PPARG: variants seen among roughly 807,000 people sequenced by gnomAD.
PPARG encodes the protein peroxisome proliferator-activated receptor gamma.
Under a neutral mutation model 39.2 loss-of-function variants are expected in PPARG, and 17 were observed. That is an observed-to-expected ratio of 0.43 (90% CI 0.30 to 0.65). The LOEUF (loss-of-function observed/expected upper bound fraction) is 0.65, where lower values mean the gene tolerates loss of function less well. Ranked by LOEUF, PPARG falls within the 30% of genes least tolerant of loss-of-function variation. The pLI, the probability that PPARG is intolerant of heterozygous loss-of-function variation, is 0.13. For synonymous variants in PPARG, 223 were observed against 215.7 expected, an observed-to-expected ratio of 1.03 and a Z score of -0.30; for missense variants, 406 against 585.9, an observed-to-expected ratio of 0.69 and a Z score of 3.17.
intron 2 of PPARG, among the ~76,000 whole-genome samples, chr3:12,317,620 T>C (rs2047424408): frequency 2.6e-5 from 4 of 152,184 alleles, no homozygotes; most frequent in Admixed American, 2.0e-4. Context: ...TTTATTCTTA[T>C]ACCATTACAT....
chr3:12,320,885 A>C (rs2125019703), intron 2 of PPARG, among the ~76,000 whole-genome samples: 1 of 152,330 alleles, frequency 6.6e-6, no homozygotes, highest in Admixed American at 6.5e-5. Context: ...TCAAAGAAAA[A>C]GAAAAGAGAA....
intron 1 of PPARG, among the ~76,000 whole-genome samples, chr3:12,308,480 T>G (rs1018551731): frequency 6.6e-6 from 1 of 152,094 alleles, no homozygotes; most frequent in Non-Finnish European, 1.5e-5. Flanking sequence ...GGAGCCACAT[T>G]GTTAAATTTT....
intron 6 of PPARG, among the ~76,000 whole-genome samples, chr3:12,408,457 A>G (rs1403510460): frequency 6.6e-6 from 1 of 152,262 alleles, no homozygotes; most frequent in Non-Finnish European, 1.5e-5. Flanking sequence ...TGGACTACAG[A>G]AAATAAGCCA....
intron 2 of PPARG, among the ~76,000 whole-genome samples, chr3:12,350,310 T>G (rs7614873): frequency 0.037 from 5,608 of 152,244 alleles, 330 homozygotes; most frequent in African/African-American, 0.13. Context: ...CCCCACTTTA[T>G]TCCGTGATGT....
intron 1 of PPARG, among the ~76,000 whole-genome samples, chr3:12,306,380 C>T (rs995211164): frequency 3.9e-5 from 6 of 152,206 alleles, no homozygotes; most frequent in African/African-American, 1.2e-4. Flanking sequence ...TACTGCTTCA[C>T]GGCCTTGGGG....
At chr3:12,407,860 A>G (rs1200599451) in intron 6 of PPARG, among the ~76,000 whole-genome samples, 5 of 152,242 alleles carry the variant, frequency 3.3e-5, no homozygotes, top group Non-Finnish European at 5.9e-5. Context: ...TACCTCAACA[A>G]TAATATACCT....
At chr3:12,365,581 T>G (rs1276582487) in intron 2 of PPARG, among the ~76,000 whole-genome samples, 1 of 151,864 alleles carries the variant, frequency 6.6e-6, no homozygotes, top group Non-Finnish European at 1.5e-5. Flanking sequence ...GTCTAAATTA[T>G]TATTATTATT....
chr3:12,380,040 G>T, intron 3 of PPARG, 109 bp downstream of exon 3: 1 of 968,966 alleles, frequency 1.0e-6, no homozygotes, highest in Non-Finnish European at 1.6e-6. Context: ...AATAGAGAAG[G>T]CATTCACCAT....
intron 2 of PPARG, chr3:12,372,188 C>T (rs2049242742): frequency 5.6e-6 from 4 of 716,428 alleles, no homozygotes; most frequent in South Asian, 3.0e-5. Flanking sequence ...CATAGTACAT[C>T]CCCTGCCCCC....
chr3:12,319,073 GA>G (rs757372007), intron 2 of PPARG, among the ~76,000 whole-genome samples: 4 of 152,114 alleles, frequency 2.6e-5, no homozygotes, highest in Non-Finnish European at 5.9e-5. Flanking sequence ...AAATTTCAGG[GA>G]AATACCATAA....
chr3:12,341,430 C>T (rs1042705531), intron 2 of PPARG, among the ~76,000 whole-genome samples: 1 of 152,310 alleles, frequency 6.6e-6, no homozygotes, highest in East Asian at 1.9e-4. Context: ...ACAAATTAAA[C>T]AAGCAGTCTT....
chr3:12,421,042 C>T (rs1041622965), intron 7 of PPARG, among the ~76,000 whole-genome samples: 1 of 152,178 alleles, frequency 6.6e-6, no homozygotes, highest in Non-Finnish European at 1.5e-5. Context: ...TGACAGCGCT[C>T]CTGGGCTTTT....
In PPARG at chr3:12,406,020, C is replaced by T; in HGVS notation, c.668C>T (p.Ser223Phe). 1 of 1,614,132 alleles carries T rather than the reference C, an allele frequency of 6.2e-7. No individual in the cohort carries two copies. Among genetic ancestry groups the T allele is most frequent in the Non-Finnish European group, 8.5e-7 (1 of 1,180,032 alleles). The change falls in exon 6 of 8, where the codon TCC becomes TTC. Residue 223 changes from serine to phenylalanine, a missense_variant. Physicochemically the swap from Ser to Phe is radical, Grantham distance 155 (BLOSUM62 -2). Transcript: ENST00000651735. ...AKHLYDSYIK[S>F]FPLTKAKARA... ...CATTTGTATGACTCATACATAAAGTCCTTCCCGCTGACCAAAGCAAAGGCG... is the reference window on the plus strand; with the variant it reads ...CATTTGTATGACTCATACATAAAGTTCTTCCCGCTGACCAAAGCAAAGGCG...
At chr3:12,420,361 T>A (rs1404496385) in intron 7 of PPARG, among the ~76,000 whole-genome samples, 1 of 152,228 alleles carries the variant, frequency 6.6e-6, no homozygotes, top group East Asian at 1.9e-4. Context: ...AGATTTTCCA[T>A]TCAGCTAAGC....
intron 2 of PPARG, among the ~76,000 whole-genome samples, chr3:12,369,254 G>A (rs957515883): frequency 6.6e-6 from 1 of 152,144 alleles, no homozygotes; most frequent in Non-Finnish European, 1.5e-5. Flanking sequence ...CACTTTGGTA[G>A]GTCAAGATGG....
At chr3:12,419,105 C>G (rs545890900) in intron 7 of PPARG, among the ~76,000 whole-genome samples, 6 of 151,960 alleles carry the variant, frequency 3.9e-5, no homozygotes, top group Non-Finnish European at 8.8e-5. Flanking sequence ...CCACCACACT[C>G]GGCTAATTTT....
chr3:12,354,758 A>G (rs1376331856), intron 2 of PPARG, among the ~76,000 whole-genome samples: 5 of 150,772 alleles, frequency 3.3e-5, no homozygotes, highest in African/African-American at 1.2e-4. Flanking sequence ...CATCTCAAAA[A>G]AAAAAAAAAA....
chr3:12,346,265 T>C (rs2048322727), intron 2 of PPARG, among the ~76,000 whole-genome samples: 1 of 152,240 alleles, frequency 6.6e-6, no homozygotes, highest in Non-Finnish European at 1.5e-5. Flanking sequence ...AAGTGCCTTT[T>C]ATACTGTCAC....
intron 2 of PPARG, among the ~76,000 whole-genome samples, chr3:12,334,191 GT>G (rs901543214): frequency 6.6e-6 from 1 of 151,362 alleles, no homozygotes; most frequent in African/African-American, 2.4e-5. Flanking sequence ...CTAAAAAAAA[GT>G]TTGTTGACTT....
Sources: gnomAD v4.1 joint callset for allele counts (sites outside exome capture counted in the v4.1 genomes callset) on GRCh38, gnomAD v4.1.1 for gene constraint, MANE v1.5 for transcripts, NCBI Gene and HGNC (gene_info 2026-07-23, HGNC 2026-07-21) for gene names.